Variants in PXMP4 observed in about 807,000 individuals in gnomAD.
PXMP4 encodes 24 kDa peroxisomal intrinsic membrane protein.
PXMP4 carries 16 observed loss-of-function variants against 21.6 expected under a neutral mutation model. The observed-to-expected ratio is 0.74, with a 90% confidence interval of 0.50 to 1.13. The LOEUF is 1.13. Among genes scored for constraint, PXMP4 ranks in the 50% most tolerant of loss-of-function variants. The pLI, the probability that PXMP4 is intolerant of heterozygous loss-of-function variation, is 0.00. For synonymous variants in PXMP4, 127 were observed against 123.8 expected (o/e 1.03, Z -0.17); for missense variants, 240 against 277.7 (o/e 0.86, Z 0.96).
rs1394644869 is a variant in PXMP4 at position 33,720,054 on chromosome 20, G to A, written c.113+41C>T. On this transcript the variant is annotated intron_variant, in intron 1 of 3. Transcript: ENST00000409299. ...AACTCGCGCCTCTGACCCCAGGCAG[G>A]ACATCCCTCAGCCCCAGCCCGGCCC... is the stretch of plus-strand genomic sequence containing the variant. 4 of 1,587,744 alleles carry A rather than the reference G, an allele frequency of 2.5e-6. 1 individual carries two copies. In the South Asian group the frequency reaches 4.4e-5, roughly 18 times the overall value.
At chr20:33,718,264 A>G (rs2018404660) in intron 1 of PXMP4, among the ~76,000 whole-genome samples, 1 of 152,166 alleles carries the variant, frequency 6.6e-6, no homozygotes, top group African/African-American at 2.4e-5. Context: ...TAATCCCAGC[A>G]CAATGGGAGG....
At chr20:33,708,892 G>A (rs2122580591) in intron 3 of PXMP4, among the ~76,000 whole-genome samples, 1 of 152,188 alleles carries the variant, frequency 6.6e-6, no homozygotes, top group East Asian at 1.9e-4. Context: ...TTACCGGCAT[G>A]AGCCACCATG....
In PXMP4 at chr20:33,703,212, C is replaced by G. The variant is rs1325346031; in HGVS notation, c.*4494G>C. The G allele has an allele frequency of 6.6e-6, 1 of 152,258 alleles. No individual in the cohort carries two copies. The highest frequency in any genetic ancestry group is 1.5e-5 in the Non-Finnish European group (1 of 68,050). The allele number at this position is 152,258 out of a possible 1,614,324, so 9.4% of individuals were successfully genotyped here. A position where few individuals can be genotyped will look rare whatever the true frequency, so the allele number is the denominator to read the frequency against. On this transcript the variant is annotated 3_prime_UTR_variant, in exon 4 of 4. Transcript: ENST00000409299. ...GTTTCACCTTCAGCTGGGGGCAGGA[C>G]AGGCTAAAAGCAGGGTGTGCTCAGT...
At chr20:33,711,616 C>G (rs2018326158) in intron 2 of PXMP4, among the ~76,000 whole-genome samples, 1 of 152,086 alleles carries the variant, frequency 6.6e-6, no homozygotes, top group Non-Finnish European at 1.5e-5. Context: ...CACCTATAAC[C>G]CCAACACTTT....
intron 1 of PXMP4, among the ~76,000 whole-genome samples, chr20:33,718,781 A>G (rs1168300838): frequency 1.3e-5 from 2 of 152,242 alleles, no homozygotes; most frequent in African/African-American, 2.4e-5. Context: ...GACAATGGCA[A>G]TTCTGATCTT....
Position 33,704,626 on chromosome 20 carries a change from A to C in PXMP4, c.*3080T>G, listed in dbSNP as rs1042570137. 2.6e-5 allele frequency: 4 copies of C among 152,238 alleles called. No homozygotes were observed. Among genetic ancestry groups the C allele is most frequent in the African/African-American group, 9.6e-5 (4 of 41,462 alleles). 9.4% of individuals were successfully genotyped at this position (152,238 alleles called of 1,614,324 possible). On this transcript the variant is annotated 3_prime_UTR_variant, in exon 4 of 4. Transcript: ENST00000409299. ...TTGTGGCTGAAAACACAGCTTACAG[A>C]ATCAGACTGATCCCACCTCAATTAC...
At chr20:33,711,966 C>A (rs1238603685) in intron 2 of PXMP4, among the ~76,000 whole-genome samples, 13 of 150,082 alleles carry the variant, frequency 8.7e-5, no homozygotes, top group African/African-American at 3.2e-4. Context: ...GTGACAGAGA[C>A]CCTGTCTCTA....
chr20:33,718,978 C>T (rs1360676325), intron 1 of PXMP4, among the ~76,000 whole-genome samples: 1 of 152,184 alleles, frequency 6.6e-6, no homozygotes, highest in Non-Finnish European at 1.5e-5. Context: ...TCACTGCAAC[C>T]TCCACCTCCT....
intron 1 of PXMP4, among the ~76,000 whole-genome samples, chr20:33,718,581 A>C (rs527446750): frequency 6.6e-6 from 1 of 151,484 alleles, no homozygotes; most frequent in South Asian, 2.1e-4. Context: ...GGGCACATCA[A>C]GGATATGCCC....
chr20:33,713,612 C>T (rs1385092219), intron 2 of PXMP4, among the ~76,000 whole-genome samples: 1 of 152,208 alleles, frequency 6.6e-6, no homozygotes, highest in East Asian at 1.9e-4. Flanking sequence ...GCTGTATCCC[C>T]AGTACCTAGA....
At position 33,707,666 on chromosome 20, in the gene PXMP4, G is replaced by A; in HGVS notation, c.*40C>T. On this transcript the variant is annotated 3_prime_UTR_variant, in exon 4 of 4. Transcript: ENST00000409299. ...GTATCCTTTGGGAGGGTCTGCATGGGGCCAAATCTTGAGCCACAGCCAGAC... is the reference window on the plus strand; with the variant it reads ...GTATCCTTTGGGAGGGTCTGCATGGAGCCAAATCTTGAGCCACAGCCAGAC... 1 of 1,601,686 alleles carries A rather than the reference G, an allele frequency of 6.2e-7. No individual in the cohort carries two copies. Among genetic ancestry groups the A allele is most frequent in the Non-Finnish European group, 8.5e-7 (1 of 1,171,896 alleles).
chr20:33,709,275 C>A (rs2018296383), intron 3 of PXMP4, among the ~76,000 whole-genome samples: 1 of 151,994 alleles, frequency 6.6e-6, no homozygotes, highest in Admixed American at 6.6e-5. Context: ...CCAGCCTGGG[C>A]AACAGAGTAA....
At chr20:33,710,026 C>T (rs1284877506) in intron 3 of PXMP4, among the ~76,000 whole-genome samples, 11 of 147,866 alleles carry the variant, frequency 7.4e-5, no homozygotes, top group Non-Finnish European at 1.0e-4. Context: ...CCCCTTCCCC[C>T]ACTCCTACCT....
chr20:33,710,244 C>T (rs182173661), intron 3 of PXMP4, among the ~76,000 whole-genome samples: 112 of 149,542 alleles, frequency 7.5e-4, no homozygotes, highest in Admixed American at 2.5e-3. Context: ...TTCCCCCACT[C>T]CCACCTCTAT....
At chr20:33,709,614 G>GTCA (rs2018299810) in intron 3 of PXMP4, among the ~76,000 whole-genome samples, 1 of 152,030 alleles carries the variant, frequency 6.6e-6, no homozygotes, top group Non-Finnish European at 1.5e-5. Context: ...GGACTGGTGA[G>GTCA]TCACAGAACT....
At chr20:33,718,510 CAAAAAAAAAAAA>C (rs34706596) in intron 1 of PXMP4, among the ~76,000 whole-genome samples, 1 of 54,800 alleles carries the variant, frequency 1.8e-5, no homozygotes, top group Admixed American at 2.5e-4. Context: ...CACTCCATCT[CAAAAAAAAAAAA>C]AAAAAAAAAA....
At position 33,704,526 on chromosome 20, in the gene PXMP4, A is replaced by G. The variant is rs2018237942; in HGVS notation, c.*3180T>C. ...CCGGTACCGGGGTTGCGGACCCCTT[A>G]CTCTAGAGCTCATTCAACCTCCACA... On this transcript the variant is annotated 3_prime_UTR_variant, in exon 4 of 4. Coordinates refer to ENST00000409299, the MANE Select transcript of PXMP4 (RefSeq NM_007238.5). The G allele has an allele frequency of 6.6e-6, 1 of 152,064 alleles. No homozygotes were observed. Among genetic ancestry groups the G allele is most frequent in the East Asian group, 1.9e-4 (1 of 5,196 alleles). The allele number at this position is 152,064 out of a possible 1,614,324, so 9.4% of individuals were successfully genotyped here.
Position 33,707,620 on chromosome 20 carries a change from G to A in PXMP4, c.*86C>T. ...GGGATAACACCAGTTGGAGTCTGAG[G>A]CCTATGATCTTGAGAAGGCAGTATC... On this transcript the variant is annotated 3_prime_UTR_variant, in exon 4 of 4. Coordinates refer to ENST00000409299, the MANE Select transcript of PXMP4 (RefSeq NM_007238.5). The A allele has an allele frequency of 6.6e-7, 1 of 1,510,040 alleles. No homozygotes were observed. Among genetic ancestry groups the A allele is most frequent in the Non-Finnish European group, 9.0e-7 (1 of 1,111,360 alleles). 93.5% of individuals were successfully genotyped at this position (1,510,040 alleles called of 1,614,324 possible).
At position 33,710,539 on chromosome 20, in the gene PXMP4, T is replaced by A; in HGVS notation, c.375+16A>T. On this transcript the variant is annotated intron_variant, in intron 3 of 3. Coordinates refer to ENST00000409299, the MANE Select transcript of PXMP4 (RefSeq NM_007238.5). ...CCACGCCCCCTTCACTACCCCCATC[T>A]CGGGAGGATCTTTACCTGGCTGTTG... The A allele has an allele frequency of 1.5e-6, 2 of 1,338,868 alleles. No homozygotes were observed. The highest frequency in any genetic ancestry group is 3.9e-5 in the East Asian group (1 of 25,614). The allele number at this position is 1,338,868 out of a possible 1,614,324, so 82.9% of individuals were successfully genotyped here.
Sources: gnomAD v4.1 joint callset for allele counts (sites outside exome capture counted in the v4.1 genomes callset) on GRCh38, gnomAD v4.1.1 for gene constraint, MANE v1.5 for transcripts, NCBI Gene and HGNC (gene_info 2026-07-23, HGNC 2026-07-21) for gene names.